Variants in MYO1F observed in about 807,000 individuals in gnomAD.
MYO1F encodes the protein unconventional myosin-If.
Under a neutral mutation model 146.6 loss-of-function variants are expected in MYO1F, and 60 were observed. That is an observed-to-expected ratio of 0.41 (90% CI 0.33 to 0.51). The LOEUF is 0.51. MYO1F is among the 20% of genes least tolerant of loss of function. The pLI, the probability that MYO1F is intolerant of heterozygous loss-of-function variation, is 0.25. For synonymous variants in MYO1F, 602 were observed against 602.1 expected (o/e 1.00, Z 0.00); for missense variants, 1,274 against 1,534.3 (o/e 0.83, Z 2.83).
chr19:8,548,138 A>G lies in MYO1F; in HGVS notation c.1183-16T>C. ...AGCCATTTTTCTGCAGAAGGAGGAA[A>G]AGGGTCCTTCCCTCAATGTCCTGGT... On this transcript the variant is annotated splice_polypyrimidine_tract_variant and intron_variant, in intron 11 of 27. Transcript: ENST00000644032. 1 of 1,613,428 alleles carries G rather than the reference A, an allele frequency of 6.2e-7. No individual in the cohort carries two copies. The highest frequency in any genetic ancestry group is 8.5e-7 in the Non-Finnish European group (1 of 1,179,506).
chr19:8,561,986 A>G (rs1356237686), intron 1 of MYO1F, among the ~76,000 whole-genome samples: 1 of 150,608 alleles, frequency 6.6e-6, no homozygotes, highest in Non-Finnish European at 1.5e-5. Context: ...AAGTGCTGGG[A>G]TTACAGGCAT....
intron 8 of MYO1F, 118 bp downstream of exon 8, chr19:8,551,622 G>A: frequency 1.4e-6 from 2 of 1,479,952 alleles, no homozygotes; most frequent in Non-Finnish European, 1.9e-6. Flanking sequence ...AAAGTGCTGG[G>A]ATTACAGGCT....
intron 1 of MYO1F, among the ~76,000 whole-genome samples, chr19:8,571,246 G>C (rs2042101934): frequency 6.6e-6 from 1 of 152,214 alleles, no homozygotes; most frequent in Non-Finnish European, 1.5e-5. Context: ...TCAGCTCCCA[G>C]ACCCTGCCCT....
chr19:8,551,420 C>T (rs558008773), intron 8 of MYO1F: 49 of 280,612 alleles, frequency 1.7e-4, no homozygotes, highest in Admixed American at 6.5e-4. Context: ...AGTGTGATCT[C>T]GGCTCACTGC....
intron 1 of MYO1F, among the ~76,000 whole-genome samples, chr19:8,562,281 A>T (rs1310907200): frequency 6.6e-6 from 1 of 151,884 alleles, no homozygotes; most frequent in African/African-American, 2.4e-5. Flanking sequence ...GATTATAGGC[A>T]TGAGCCACCG....
intron 16 of MYO1F, 84 bp downstream of exon 16, chr19:8,539,863 T>A: frequency 8.3e-7 from 1 of 1,201,546 alleles, no homozygotes; most frequent in Non-Finnish European, 1.2e-6. Context: ...GACGTTGGAA[T>A]GAGAGAAACA....
In MYO1F at chr19:8,555,941, G is replaced by A. The variant is rs563162498; in HGVS notation, c.4-145C>T. The A allele has an allele frequency of 3.5e-3, 3,011 of 859,590 alleles. 69 individuals are homozygous for A. The African/African-American group carries it at 0.046, about 13-fold the overall frequency. 53.2% of individuals were successfully genotyped at this position (859,590 alleles called of 1,614,324 possible). On this transcript the variant is annotated intron_variant, in intron 1 of 27. Coordinates refer to ENST00000644032, the MANE Select transcript of MYO1F (RefSeq NM_012335.4). ...CCCCATCTCCAGGAGAGGCTGGCAG[G>A]GTCCAAGCCAGGCCCCCTGCCCCAG...
intron 1 of MYO1F, among the ~76,000 whole-genome samples, chr19:8,560,848 CCTGCCT>C (rs1412956024): frequency 6.6e-5 from 10 of 151,452 alleles, no homozygotes; most frequent in Non-Finnish European, 1.2e-4. Flanking sequence ...ACGCCATTCT[CCTGCCT>C]CAGCCTCCCG....
At chr19:8,576,503 TG>T in intron 1 of MYO1F, 1 of 153,428 alleles carries the variant, frequency 6.5e-6, no homozygotes, top group Non-Finnish European at 1.5e-5. Context: ...AGCTGTGGGG[TG>T]GGGTCAGCCC....
At chr19:8,553,090 G>T (rs768663451) in intron 6 of MYO1F, 49 bp downstream of exon 6, 2 of 1,546,244 alleles carry the variant, frequency 1.3e-6, no homozygotes, top group Non-Finnish European at 1.8e-6. Flanking sequence ...TGTGTAGAAA[G>T]GTCAGCACGG....
rs190869814 is a variant in MYO1F at position 8,536,211 on chromosome 19, C to G, written c.2043+41G>C. The G allele has an allele frequency of 3.7e-3, 5,987 of 1,598,040 alleles. 9 individuals carry two copies. Among genetic ancestry groups the G allele is most frequent in the Non-Finnish European group, 4.4e-3 (5,131 of 1,177,870 alleles). ...AGTCCCTCTCTATACCTTTCTCTCTCTTCCCCTCTCCTTCTCTGCCTGTCC... is the reference window on the plus strand; with the variant it reads ...AGTCCCTCTCTATACCTTTCTCTCTGTTCCCCTCTCCTTCTCTGCCTGTCC... On this transcript the variant is annotated intron_variant, in intron 19 of 27. Transcript: ENST00000644032.
At position 8,525,466 on chromosome 19, in the gene MYO1F, C is replaced by A. The variant is rs373237499; in HGVS notation, c.2854+13G>T. 1 of 1,610,878 alleles carries A rather than the reference C, an allele frequency of 6.2e-7. No individual in the cohort carries two copies. The highest frequency in any genetic ancestry group is 8.5e-7 in the Non-Finnish European group (1 of 1,178,150). ...ACAGACAAGGGAATATAGCAAGGGA[C>A]GCAGCTCCTCACCTCTGGGGGGCGC... On this transcript the variant is annotated intron_variant, in intron 25 of 27. Coordinates refer to ENST00000644032, the MANE Select transcript of MYO1F (RefSeq NM_012335.4).
chr19:8,523,567 T>C (rs1204572188), intron 25 of MYO1F, among the ~76,000 whole-genome samples: 2 of 151,618 alleles, frequency 1.3e-5, no homozygotes, highest in Admixed American at 6.6e-5. Flanking sequence ...CTCAGGCTGG[T>C]CTCAAACTCC....
At position 8,562,156 on chromosome 19, in the gene MYO1F, A is replaced by ATTTTTTT. The variant is rs1490847496; in HGVS notation, c.4-6361_4-6360insAAAAAAA. Reference sequence around the variant, plus strand: ...TTCACGCCGTTCTCCTGCCCGGCTAATTTTTTCTTTTTTTTTTTGTATTTT... The same window carrying ATTTTTTT: ...TTCACGCCGTTCTCCTGCCCGGCTAATTTTTTTTTTTTTCTTTTTTTTTTTGTATTTT... On this transcript the variant is annotated intron_variant, in intron 1 of 27. Coordinates refer to ENST00000644032, the MANE Select transcript of MYO1F (RefSeq NM_012335.4). 5.8e-3 allele frequency among the ~76,000 whole-genome samples: 827 copies of ATTTTTTT among 142,720 alleles called. 15 individuals are homozygous for ATTTTTTT. Among genetic ancestry groups the ATTTTTTT allele is most frequent in the African/African-American group, 0.021 (802 of 37,304 alleles). The allele number at this position is 142,720 out of a possible 152,430, so 93.6% of individuals were successfully genotyped here.
At chr19:8,542,176 G>C (rs1042203177) in intron 14 of MYO1F, among the ~76,000 whole-genome samples, 185 bp from the exon 15 acceptor site, 1 of 151,448 alleles carries the variant, frequency 6.6e-6, no homozygotes, top group Non-Finnish European at 1.5e-5. Context: ...TGGGGGGCGG[G>C]CTTCCTGGAG....
chr19:8,531,175 C>T (rs1972473065), intron 19 of MYO1F, among the ~76,000 whole-genome samples: 1 of 151,570 alleles, frequency 6.6e-6, no homozygotes, highest in Admixed American at 6.6e-5. Flanking sequence ...TGGAGAAACC[C>T]TGTCTTTACT....
intron 17 of MYO1F, 56 bp from the exon 18 acceptor site, chr19:8,536,653 G>A: frequency 1.1e-6 from 1 of 887,884 alleles, no homozygotes; most frequent in Non-Finnish European, 1.7e-6. Flanking sequence ...AGTCCTGGGG[G>A]TGGGTGGGAG....
At chr19:8,543,472 G>T (rs1479708554) in intron 14 of MYO1F, among the ~76,000 whole-genome samples, 1 of 151,814 alleles carries the variant, frequency 6.6e-6, no homozygotes, top group African/African-American at 2.4e-5. Context: ...TCCTAGTCAG[G>T]GGGTTATGAC....
chr19:8,544,031 G>GGTGGCA (rs774859714), intron 14 of MYO1F: 10,185 of 531,622 alleles, frequency 0.019, 752 homozygotes, highest in African/African-American at 0.082. Context: ...TGGCGGTGGC[G>GGTGGCA]GTGGCGGTGC....
Sources: gnomAD v4.1 joint callset for allele counts (sites outside exome capture counted in the v4.1 genomes callset) on GRCh38, gnomAD v4.1.1 for gene constraint, MANE v1.5 for transcripts, NCBI Gene and HGNC (gene_info 2026-07-23, HGNC 2026-07-21) for gene names.